Variants in CSTPP1 observed in about 807,000 individuals in gnomAD.
CSTPP1 encodes the protein centriolar satellite-associated tubulin polyglutamylase complex regulator 1.
At chr11:47,161,795 C>T in the CSTPP1 span, 1 of 1,412,586 alleles carries the variant, frequency 7.1e-7, no homozygotes, top group Non-Finnish European at 9.2e-7. Flanking sequence ...CTCTGATGAT[C>T]AGCCCAGCCA....
chr11:47,106,696 C>T, the CSTPP1 span, among the ~76,000 whole-genome samples: 1 of 151,818 alleles, frequency 6.6e-6, no homozygotes, highest in Non-Finnish European at 1.5e-5. Context: ...AACTCAGGGA[C>T]CTTACTTGGT....
chr11:47,037,951 C>T, the CSTPP1 span, among the ~76,000 whole-genome samples: 1 of 127,766 alleles, frequency 7.8e-6, no homozygotes, highest in Non-Finnish European at 1.9e-5. Context: ...CCTCACTTCC[C>T]AGTAGGGGCG....
At chr11:47,123,901 G>A in the CSTPP1 span, among the ~76,000 whole-genome samples, 4 of 151,582 alleles carry the variant, frequency 2.6e-5, no homozygotes, top group East Asian at 2.0e-4. Context: ...GCAGTGAGCC[G>A]AGATCATGCC....
the CSTPP1 span, chr11:47,161,511 A>G: frequency 6.2e-7 from 1 of 1,614,130 alleles, no homozygotes; most frequent in Non-Finnish European, 8.5e-7. Context: ...GCCAGTCCAG[A>G]GGCCAGTTGC....
chr11:47,067,337 A>G, the CSTPP1 span, among the ~76,000 whole-genome samples: 1 of 152,162 alleles, frequency 6.6e-6, no homozygotes, highest in African/African-American at 2.4e-5. Flanking sequence ...AACATCATAT[A>G]TAAGTTGTTC....
At chr11:47,026,606 G>A in the CSTPP1 span, among the ~76,000 whole-genome samples, 19 of 152,202 alleles carry the variant, frequency 1.2e-4, no homozygotes, top group African/African-American at 4.6e-4. Flanking sequence ...GGCTGGGCAC[G>A]GTGGCTCATG....
At chr11:47,047,979 G>T in the CSTPP1 span, among the ~76,000 whole-genome samples, 1 of 152,204 alleles carries the variant, frequency 6.6e-6, no homozygotes, top group African/African-American at 2.4e-5. Flanking sequence ...CTTCTAGGTT[G>T]GCTGTTTTTT....
chr11:47,127,594 TAAATG>T, the CSTPP1 span, among the ~76,000 whole-genome samples: 2 of 152,172 alleles, frequency 1.3e-5, no homozygotes, highest in African/African-American at 4.8e-5. Flanking sequence ...CTGTGTGCCT[TAAATG>T]AAGGAAAGTA....
At chr11:46,978,436 C>G in the CSTPP1 span, among the ~76,000 whole-genome samples, 1 of 152,084 alleles carries the variant, frequency 6.6e-6, no homozygotes, top group Non-Finnish European at 1.5e-5. Context: ...TTATGTTGTT[C>G]TAGTAAAACA....
At chr11:47,151,213 A>G in the CSTPP1 span, among the ~76,000 whole-genome samples, 1 of 152,176 alleles carries the variant, frequency 6.6e-6, no homozygotes, top group Non-Finnish European at 1.5e-5. Context: ...AGAGATCAAG[A>G]CCATCCTGGC....
chr11:47,120,225 T>C, the CSTPP1 span, among the ~76,000 whole-genome samples: 2 of 152,196 alleles, frequency 1.3e-5, no homozygotes, highest in African/African-American at 4.8e-5. The surrounding 1 kb of genome is among the most constrained non-coding windows in gnomAD (Gnocchi z 4.2). Flanking sequence ...GTTTCACATC[T>C]GTATAGGGAG....
the CSTPP1 span, among the ~76,000 whole-genome samples, chr11:47,001,439 A>C: frequency 6.6e-6 from 1 of 152,212 alleles, no homozygotes; most frequent in Admixed American, 6.5e-5. Flanking sequence ...TGATTCAAAT[A>C]AATCCATAAA....
the CSTPP1 span, among the ~76,000 whole-genome samples, chr11:46,979,623 T>TA: frequency 5.1e-4 from 74 of 145,320 alleles, no homozygotes; most frequent in East Asian, 1.4e-3. Flanking sequence ...AAAATCTCCT[T>TA]AAAAAAAAAA....
At chr11:47,014,808 T>G in the CSTPP1 span, among the ~76,000 whole-genome samples, 1 of 148,616 alleles carries the variant, frequency 6.7e-6, no homozygotes, top group East Asian at 2.0e-4. Flanking sequence ...AGAAAGAAAT[T>G]AGAAAAAGAA....
chr11:47,143,209 T>C, the CSTPP1 span, among the ~76,000 whole-genome samples: 5 of 152,222 alleles, frequency 3.3e-5, no homozygotes, highest in African/African-American at 1.2e-4. Flanking sequence ...ATCCCCTGAT[T>C]TTGTAAACTA....
chr11:46,998,934 G>A, the CSTPP1 span, among the ~76,000 whole-genome samples: 1 of 151,960 alleles, frequency 6.6e-6, no homozygotes, highest in East Asian at 1.9e-4. Flanking sequence ...TAGAGAGGGG[G>A]CTTCACCGTG....
chr11:47,150,558 G>A, the CSTPP1 span, among the ~76,000 whole-genome samples: 1 of 152,296 alleles, frequency 6.6e-6, no homozygotes, highest in African/African-American at 2.4e-5. Context: ...ATTCTAGGCT[G>A]GGTTAGAAAA....
chr11:47,106,149 G>A, the CSTPP1 span, among the ~76,000 whole-genome samples: 1 of 152,146 alleles, frequency 6.6e-6, no homozygotes, highest in Non-Finnish European at 1.5e-5. Flanking sequence ...GGAACACAGG[G>A]AAACCGCTCC....
the CSTPP1 span, among the ~76,000 whole-genome samples, chr11:47,024,663 A>G: frequency 6.6e-6 from 1 of 152,146 alleles, no homozygotes; most frequent in Non-Finnish European, 1.5e-5. Context: ...TGAATTTAAG[A>G]CCTCACCTGA....
Sources: allele counts gnomAD v4.1 joint callset (sites outside exome capture counted in the v4.1 genomes callset), GRCh38; gene constraint gnomAD v4.1.1; non-coding constraint Gnocchi (gnomAD v3.1); transcripts MANE v1.5; gene names NCBI Gene and HGNC (gene_info 2026-07-23, HGNC 2026-07-21).